The following PYY variants were observed in gnomAD, a reference collection of about 807,000 sequenced individuals.
PYY encodes peptide YY, also known as peptide tyrosine tyrosine.
Under a neutral mutation model 10.3 loss-of-function variants are expected in PYY, and 12 were observed. That is an observed-to-expected ratio of 1.17 (90% CI 0.75 to 1.89). PYY has a LOEUF of 1.89. PYY is among the 40% of genes most tolerant of loss of function. The probability of loss-of-function intolerance (pLI) is 0.00; values close to 1 mark genes in which losing one functional copy is unlikely to be tolerated. For synonymous variants in PYY, 66 were observed against 62.0 expected, an observed-to-expected ratio of 1.06 and a Z score of -0.30; for missense variants, 141 against 134.0, an observed-to-expected ratio of 1.05 and a Z score of -0.26.
intron 1 of PYY, among the ~76,000 whole-genome samples, chr17:43,973,197 TA>T (rs774750210): frequency 2.0e-3 from 300 of 152,188 alleles, no homozygotes; most frequent in Non-Finnish European, 3.6e-3. Context: ...AACCTGAAAG[TA>T]AGTTTTTAAA....
chr17:43,995,917 G>A (rs2048989446), intron 1 of PYY, among the ~76,000 whole-genome samples: 1 of 151,834 alleles, frequency 6.6e-6, no homozygotes, highest in Non-Finnish European at 1.5e-5. Flanking sequence ...CACTTTGGGA[G>A]GCCAAGGCAG....
chr17:43,999,428 T>A (rs2049011089), intron 1 of PYY, among the ~76,000 whole-genome samples: 1 of 150,742 alleles, frequency 6.6e-6, no homozygotes, highest in African/African-American at 2.4e-5. Flanking sequence ...GGTTGAGGGG[T>A]GGCGGGGGAG....
intron 1 of PYY, among the ~76,000 whole-genome samples, chr17:43,983,452 A>T (rs1267915110): frequency 3.9e-5 from 6 of 152,204 alleles, no homozygotes; most frequent in African/African-American, 1.4e-4. Flanking sequence ...AGTCCTGCTG[A>T]GAACGGGAAG....
rs1425240292 is a variant in PYY, at chr17:43,987,320, T to C, written c.-463+17071A>G. Among the ~76,000 whole-genome samples the C allele has an allele frequency of 2.6e-5, 4 of 152,202 alleles. No individual in the cohort carries two copies. Among genetic ancestry groups the C allele is most frequent in the African/African-American group, 9.6e-5 (4 of 41,456 alleles). ...ATGAATGTTTCTGAGCCCCTGAGAC[T>C]GAGCTTCATCAGAAGCAGCTGCCTC... On this transcript the variant is annotated intron_variant, in intron 1 of 6. Coordinates refer to the PYY transcript ENST00000360085. This position sits in a 1 kb window ranked among gnomAD's most constrained non-coding sequence, Gnocchi z 4.0.
intron 1 of PYY, among the ~76,000 whole-genome samples, chr17:43,968,879 G>A (rs1309767558): frequency 2.0e-5 from 3 of 151,218 alleles, no homozygotes; most frequent in Non-Finnish European, 2.9e-5. Flanking sequence ...AGGCCAAGGC[G>A]GGTGGATCGC....
chr17:43,995,357 T>A lies in PYY; in HGVS notation c.-463+9034A>T, dbSNP rs542710076. Among the ~76,000 whole-genome samples, 4 of 152,296 alleles carry A rather than the reference T, an allele frequency of 2.6e-5. No homozygotes were observed. In the East Asian group the frequency reaches 7.7e-4, roughly 30 times the overall value. On this transcript the variant is annotated intron_variant, in intron 1 of 6. Transcript: ENST00000360085. ...TGGTTTGGTTTGGTTTGGTTATGTT[T>A]GAGACAGAGTCTCGCTCTGTCACCC...
chr17:43,958,151 A>AAAAAAAAAAAAAAAAAAAAAAC (rs1270202205), upstream of PYY: 2 of 150,370 alleles, frequency 1.3e-5, no homozygotes, highest in Non-Finnish European at 3.0e-5. Flanking sequence ...AAAAAAAAAA[A>AAAAAAAAAAAAAAAAAAAAAAC]AAAAAAGAAT....
intron 1 of PYY, among the ~76,000 whole-genome samples, chr17:43,991,101 G>A (rs1376853628): frequency 4.6e-5 from 7 of 151,812 alleles, no homozygotes; most frequent in African/African-American, 1.2e-4. Flanking sequence ...AATGTTATGC[G>A]GGAAAGACAG....
chr17:43,962,553 G>A (rs2048719560), intron 2 of PYY, among the ~76,000 whole-genome samples: 2 of 152,174 alleles, frequency 1.3e-5, no homozygotes, highest in Non-Finnish European at 1.5e-5. Context: ...TCTTGACCAC[G>A]TGAATGAAGG....
intron 1 of PYY, among the ~76,000 whole-genome samples, chr17:43,995,868 C>G (rs1273069286): frequency 6.8e-6 from 1 of 147,392 alleles, no homozygotes; most frequent in Non-Finnish European, 1.5e-5. Context: ...GAAATGCAGG[C>G]ATGCAGGCGG....
At chr17:43,990,180 G>C (rs2048947016) in intron 1 of PYY, among the ~76,000 whole-genome samples, 1 of 151,248 alleles carries the variant, frequency 6.6e-6, no homozygotes, top group African/African-American at 2.4e-5. Flanking sequence ...GCTCACACCT[G>C]TAATCCCAGC....
intron 1 of PYY, among the ~76,000 whole-genome samples, chr17:43,998,415 G>T (rs957597079): frequency 6.6e-6 from 1 of 151,958 alleles, no homozygotes; most frequent in African/African-American, 2.4e-5. Context: ...AAAATTAGCC[G>T]GGCATGGCAG....
At chr17:43,999,186 T>C (rs1471592438) in intron 1 of PYY, among the ~76,000 whole-genome samples, 3 of 151,368 alleles carry the variant, frequency 2.0e-5, no homozygotes, top group South Asian at 4.2e-4. Context: ...AGGTGGCCAA[T>C]AGGCTTAGGG....
chr17:43,963,594 G>GAAAGAAAGAAAGAAAGAA (rs1490337862), intron 2 of PYY, among the ~76,000 whole-genome samples: 3 of 79,220 alleles, frequency 3.8e-5, no homozygotes, highest in African/African-American at 1.4e-4. Flanking sequence ...AAGAAAGAAA[G>GAAAGAAAGAAAGAAAGAA]AAAGAAAGAA....
intron 1 of PYY, among the ~76,000 whole-genome samples, chr17:43,998,145 GC>G (rs888012236): frequency 2.6e-5 from 4 of 152,008 alleles, no homozygotes; most frequent in African/African-American, 9.7e-5. Flanking sequence ...CACCATGTTG[GC>G]CAGGCTGGTC....
intron 1 of PYY, among the ~76,000 whole-genome samples, chr17:43,994,540 A>C (rs1393855465): frequency 1.3e-5 from 2 of 152,152 alleles, no homozygotes; most frequent in Non-Finnish European, 2.9e-5. Context: ...TCCTGCACAA[A>C]GTCAGCCCGA....
chr17:43,970,001 C>A (rs2048780479), intron 1 of PYY, among the ~76,000 whole-genome samples: 1 of 151,828 alleles, frequency 6.6e-6, no homozygotes. Flanking sequence ...CACGGCCTCC[C>A]AAAGTGCTGG....
intron 2 of PYY, among the ~76,000 whole-genome samples, chr17:43,960,542 A>AAAC (rs1555616827): frequency 6.8e-6 from 1 of 147,828 alleles, no homozygotes; most frequent in East Asian, 2.0e-4. Context: ...CAAAAAAAAA[A>AAAC]AAAAAAAAAA....
intron 1 of PYY, among the ~76,000 whole-genome samples, chr17:43,993,837 T>C (rs2048973240): frequency 6.6e-6 from 1 of 150,730 alleles, no homozygotes; most frequent in East Asian, 2.1e-4. Flanking sequence ...TTTTATTTTT[T>C]GAAATTATTT....
Sources: gnomAD v4.1 joint callset for allele counts (sites outside exome capture counted in the v4.1 genomes callset) on GRCh38, gnomAD v4.1.1 for gene constraint, Gnocchi (gnomAD v3.1) non-coding constraint, MANE v1.5 for transcripts, NCBI Gene and HGNC (gene_info 2026-07-23, HGNC 2026-07-21) for gene names.